The following NPR2 variants were observed in gnomAD, a reference collection of about 807,000 sequenced individuals.
NPR2 encodes the protein atrial natriuretic peptide receptor 2.
In NPR2, 49 loss-of-function variants were observed where a neutral mutation model predicts 120.7. The observed-to-expected ratio is 0.41, with a 90% CI of 0.32 to 0.52. The LOEUF (loss-of-function observed/expected upper bound fraction) is 0.52, where lower values mean the gene tolerates loss of function less well. NPR2 is among the 20% of genes least tolerant of loss of function. NPR2 has a pLI of 0.36. For synonymous variants in NPR2, 484 were observed against 519.8 expected, an observed-to-expected ratio of 0.93 and a Z score of 0.94; for missense variants, 931 against 1,362.9, an observed-to-expected ratio of 0.68 and a Z score of 4.99.
intron 3 of NPR2, 118 bp from the exon 4 acceptor site, chr9:35,799,904 A>G (rs1828080178): frequency 6.6e-7 from 1 of 1,503,824 alleles, no homozygotes; most frequent in Non-Finnish European, 9.2e-7. Flanking sequence ...ATGGCACTTT[A>G]GGAATAAGAG....
Position 35,792,380 on chromosome 9 carries a change from G to C in NPR2, c.-29G>C. 6.2e-7 allele frequency: 1 copy of C among 1,603,644 alleles called. No homozygotes were observed. Among genetic ancestry groups the C allele is most frequent in the African/African-American group, 1.3e-5 (1 of 74,858 alleles). On this transcript the variant is annotated 5_prime_UTR_variant, in exon 1 of 22. Transcript: ENST00000342694. ...GTAGGCCAGAGCAGCCCCAAGTTCT[G>C]GGGGCGGTGGGGCTGCTGCTTTATC...
At chr9:35,801,848 G>C in intron 8 of NPR2, 78 bp from the exon 9 acceptor site, 1 of 1,603,840 alleles carries the variant, frequency 6.2e-7, no homozygotes, top group South Asian at 1.1e-5. Context: ...ACATTGGCTT[G>C]TAATGATAGC....
In NPR2 at chr9:35,802,020, T is replaced by TTCACTTCAAGGTGAACAG. The variant is rs764473183; in HGVS notation, c.1632+22_1632+23insACTTCAAGGTGAACAGTC. 4 of 1,609,404 alleles carry TTCACTTCAAGGTGAACAG rather than the reference T, an allele frequency of 2.5e-6. No homozygotes were observed. The South Asian group carries it at 3.3e-5, about 13-fold the overall frequency. On this transcript the variant is annotated intron_variant, in intron 9 of 21. Coordinates refer to ENST00000342694, the MANE Select transcript of NPR2 (RefSeq NM_003995.4). This position sits in a 1 kb window ranked among gnomAD's most constrained non-coding sequence, Gnocchi z 4.2. ...TTCAAGGTGAACAGTCATTTGCTTG[T>TTCACTTCAAGGTGAACAG]TCTGGTCCCCACCATTTCATCCTGT...
intron 1 of NPR2, 129 bp from the exon 2 acceptor site, chr9:35,793,769 T>C: frequency 1.1e-6 from 1 of 900,074 alleles, no homozygotes; most frequent in Non-Finnish European, 1.8e-6. Flanking sequence ...GAGCATCTGC[T>C]TTGGGGTTGA....
At chr9:35,795,174 C>G (rs968436824) in intron 2 of NPR2, among the ~76,000 whole-genome samples, 1 of 152,168 alleles carries the variant, frequency 6.6e-6, no homozygotes, top group Non-Finnish European at 1.5e-5. Context: ...CCTCCTGGTA[C>G]CCTCATGCTG....
At chr9:35,794,375 G>A (rs1350084331) in intron 2 of NPR2, among the ~76,000 whole-genome samples, 1 of 152,206 alleles carries the variant, frequency 6.6e-6, no homozygotes, top group East Asian at 1.9e-4. Context: ...TATATTGTGG[G>A]GGAGAAAAGT....
At position 35,792,914 on chromosome 9, in the gene NPR2, T is replaced by C; in HGVS notation, c.506T>C (p.Leu169Pro). 6.2e-7 allele frequency: 1 copy of C among 1,614,122 alleles called. No individual in the cohort carries two copies. Among genetic ancestry groups the C allele is most frequent in the East Asian group, 2.2e-5 (1 of 44,884 alleles). ...AATTGGACTGCCCGTGCTGCCTTGC[T>C]GTACCTGGATGCTCGCACAGATGAC... Reference protein sequence around the residue: ...HFNWTARAALLYLDARTDDRP... With the variant: ...HFNWTARAALPYLDARTDDRP... The change falls in exon 1 of 22, where the codon CTG (leucine) becomes CCG (proline). Residue 169 changes from leucine (L) to proline (P), a missense_variant. Transcript: ENST00000342694.
intron 7 of NPR2, among the ~76,000 whole-genome samples, 166 bp from the exon 8 acceptor site, chr9:35,801,477 G>T (rs558050702): frequency 6.6e-6 from 1 of 152,330 alleles, no homozygotes; most frequent in African/African-American, 2.4e-5. Flanking sequence ...GTGAGCATAG[G>T]GCATGTGCCA....
chr9:35,799,100 C>T (rs1169482563), intron 2 of NPR2, among the ~76,000 whole-genome samples: 1 of 152,198 alleles, frequency 6.6e-6, no homozygotes, highest in African/African-American at 2.4e-5. Context: ...TGGGCGGAGA[C>T]ACTGTGTTCA....
At chr9:35,799,988 AT>A (rs1221444314) in intron 3 of NPR2, 33 bp from the exon 4 acceptor site, 1 of 1,613,066 alleles carries the variant, frequency 6.2e-7, no homozygotes, top group African/African-American at 1.3e-5. Context: ...CTTGCAGGAC[AT>A]TTGGAGAGTA....
chr9:35,795,198 A>G (rs1180554304), intron 2 of NPR2, among the ~76,000 whole-genome samples: 1 of 152,122 alleles, frequency 6.6e-6, no homozygotes, highest in Non-Finnish European at 1.5e-5. Context: ...ACTGCAGCCT[A>G]CCAGGCCTCT....
Position 35,806,673 on chromosome 9 carries a change from T to C in NPR2, c.2519+135T>C, listed in dbSNP as rs1418974147. On this transcript the variant is annotated intron_variant, in intron 16 of 21. Coordinates refer to ENST00000342694, the MANE Select transcript of NPR2 (RefSeq NM_003995.4). The surrounding 1 kb of genome is among the most constrained non-coding windows in gnomAD (Gnocchi z 4.6). ...CACAGGGAGCACCCCTGCTTATAGATTATTTGCTGTCATTCTGTCTCCACA... is the reference window on the plus strand; with the variant it reads ...CACAGGGAGCACCCCTGCTTATAGACTATTTGCTGTCATTCTGTCTCCACA... 3.1e-6 allele frequency: 3 copies of C among 958,258 alleles called. No homozygotes were observed. The highest frequency in any genetic ancestry group is 5.0e-6 in the Non-Finnish European group (3 of 603,798). The allele number at this position is 958,258 out of a possible 1,614,324, so 59.4% of individuals were successfully genotyped here.
Position 35,800,297 on chromosome 9 carries a change from GAAGGGTAGACTCTGAGGGAGCCGTAGGC to G in NPR2, c.1124-90_1124-63del, listed in dbSNP as rs1828101600. 1 of 1,425,938 alleles carries G rather than the reference GAAGGGTAGACTCTGAGGGAGCCGTAGGC, an allele frequency of 7.0e-7. No homozygotes were observed. Among genetic ancestry groups the G allele is most frequent in the African/African-American group, 1.4e-5 (1 of 71,346 alleles). The allele number at this position is 1,425,938 out of a possible 1,614,324, so 88.3% of individuals were successfully genotyped here. ...GAGTTGCCCACACCTCAAGATCGGG[GAAGGGTAGACTCTGAGGGAGCCGTAGGC>G]ATGAGTGAGTGGGAGAGGAGCCCAG... On this transcript the variant is annotated intron_variant, in intron 4 of 21. Coordinates refer to ENST00000342694, the MANE Select transcript of NPR2 (RefSeq NM_003995.4). This position sits in a 1 kb window ranked among gnomAD's most constrained non-coding sequence, Gnocchi z 4.7.
Position 35,809,616 on chromosome 9 carries a change from T to C in NPR2, c.*171T>C. The C allele has an allele frequency of 1.7e-6, 2 of 1,168,820 alleles. No homozygotes were observed. Among genetic ancestry groups the C allele is most frequent in the Non-Finnish European group, 2.6e-6 (2 of 781,888 alleles). 72.4% of individuals were successfully genotyped at this position (1,168,820 alleles called of 1,614,324 possible). The stretch of plus-strand genomic sequence containing the variant: ...GCCCTCTGCAGCTCAGCCCTGTACA[T>C]ATACCTGTCCCTCTCTGGCTTGGTC... On this transcript the variant is annotated 3_prime_UTR_variant, in exon 22 of 22. Coordinates refer to ENST00000342694, the MANE Select transcript of NPR2 (RefSeq NM_003995.4). The surrounding 1 kb of genome is among the most constrained non-coding windows in gnomAD (Gnocchi z 4.1).
chr9:35,799,664 A>G lies in NPR2; in HGVS notation c.920A>G (p.Gln307Arg), dbSNP rs763255852. The G allele has an allele frequency of 6.2e-7, 1 of 1,613,960 alleles. No homozygotes were observed. The change falls in exon 3 of 22, where the codon CAG (glutamine) becomes CGG (arginine). Residue 307 changes from glutamine (Q) to arginine (R), a missense_variant. Transcript: ENST00000342694. ...TYREPPNPEYQEFQNRLLIRA... is the reference protein window; with the variant it reads ...TYREPPNPEYREFQNRLLIRA... ...CGAGAACCCCCAAATCCTGAGTATC[A>G]GGAATTCCAGAATCGTCTGCTGATA...
rs1828276041 is a variant in NPR2, at chr9:35,804,156, C to G, written c.1887+1353C>G. Among the ~76,000 whole-genome samples, 3 of 152,022 alleles carry G rather than the reference C, an allele frequency of 2.0e-5. No individual in the cohort carries two copies. In the South Asian group the frequency reaches 6.2e-4, roughly 32 times the overall value. The stretch of plus-strand genomic sequence containing the variant: ...AATGTTTTTTGTTAGCATATTGAAC[C>G]TTGTATCCTCTTTCTGTCTCACCTG... On this transcript the variant is annotated intron_variant, in intron 12 of 21. Transcript: ENST00000342694.
rs376451655 is a variant in NPR2, at chr9:35,792,690, C to T, written c.282C>T (p.Asp94=). 21 of 1,614,054 alleles carry T rather than the reference C, an allele frequency of 1.3e-5. No homozygotes were observed. The African/African-American group carries it at 2.5e-4, about 19-fold the overall frequency. ...AVDLKLYHDP[D]LLLGPGCVYP... ...ACCTCAAGCTGTACCATGACCCCGACCTGCTGTTAGGTCCCGGTTGCGTGT... is the reference window on the plus strand; with the variant it reads ...ACCTCAAGCTGTACCATGACCCCGATCTGCTGTTAGGTCCCGGTTGCGTGT... The change falls in exon 1 of 22, where the codon GAC becomes GAT. Residue 94 remains aspartate, a synonymous_variant. Coordinates refer to ENST00000342694, the MANE Select transcript of NPR2 (RefSeq NM_003995.4).
Position 35,802,251 on chromosome 9 carries a change from C to T in NPR2, c.1678C>T (p.Leu560=). ...IKHVNKKRIE[L]TRQVLFELKH... The stretch of plus-strand genomic sequence containing the variant: ...ACATGTGAATAAGAAGCGCATTGAG[C>T]TGACCCGGCAGGTTCTGTTTGAACT... The change falls in exon 10 of 22, where the codon CTG becomes TTG. Residue 560 remains leucine, a synonymous_variant. Transcript: ENST00000342694. This position sits in a 1 kb window ranked among gnomAD's most constrained non-coding sequence, Gnocchi z 4.2. 6.2e-7 allele frequency: 1 copy of T among 1,607,118 alleles called. No homozygotes were observed. The highest frequency in any genetic ancestry group is 1.1e-5 in the South Asian group (1 of 90,956).
intron 18 of NPR2, among the ~76,000 whole-genome samples, 154 bp downstream of exon 18, chr9:35,807,552 A>C (rs547092241): frequency 4.1e-4 from 62 of 152,308 alleles, no homozygotes; most frequent in African/African-American, 1.4e-3. Context: ...CTTCGTAGAC[A>C]GATGTAGCTC....
Sources: allele counts gnomAD v4.1 joint callset (sites outside exome capture counted in the v4.1 genomes callset), GRCh38; gene constraint gnomAD v4.1.1; non-coding constraint Gnocchi (gnomAD v3.1); transcripts MANE v1.5; gene names NCBI Gene and HGNC (gene_info 2026-07-23, HGNC 2026-07-21).